Variants in CEP112 observed in about 807,000 individuals in gnomAD.
The protein encoded by CEP112 is centrosomal protein of 112 kDa.
Under a neutral mutation model 153.0 loss-of-function variants are expected in CEP112, and 127 were observed. The observed-to-expected ratio is 0.83, with a 90% confidence interval of 0.72 to 0.96. The LOEUF is 0.96. Among genes scored for constraint, CEP112 ranks in the 40% least tolerant of loss-of-function variants. The probability of loss-of-function intolerance (pLI) is 0.00; values close to 1 mark genes in which losing one functional copy is unlikely to be tolerated. For missense variants in CEP112, 1,089 were observed against 1,101.2 expected, an observed-to-expected ratio of 0.99 and a Z score of 0.16; for synonymous variants, 358 against 374.4, an observed-to-expected ratio of 0.96 and a Z score of 0.51.
intron 23 of CEP112, among the ~76,000 whole-genome samples, chr17:65,702,024 C>T (rs992771449): frequency 2.0e-5 from 3 of 151,718 alleles, no homozygotes; most frequent in African/African-American, 4.8e-5. Context: ...TGTAGGCACC[C>T]GCCATCACAC....
chr17:65,970,954 C>T (rs2062741847), intron 17 of CEP112, among the ~76,000 whole-genome samples: 1 of 149,220 alleles, frequency 6.7e-6, no homozygotes, highest in Non-Finnish European at 1.5e-5. Context: ...TATTACATAC[C>T]TATTACATGT....
chr17:65,844,773 T>C (rs2057662403), intron 21 of CEP112, among the ~76,000 whole-genome samples: 1 of 151,678 alleles, frequency 6.6e-6, no homozygotes, highest in African/African-American at 2.4e-5. Context: ...CACAGCACTT[T>C]GGGAGGTCGA....
chr17:65,781,796 G>A (rs568882343), intron 21 of CEP112, among the ~76,000 whole-genome samples: 249 of 151,874 alleles, frequency 1.6e-3, no homozygotes, highest in African/African-American at 5.7e-3. Flanking sequence ...TATAGATAGT[G>A]GGCTAGCCAT....
chr17:66,073,828 C>T (rs1323411788), intron 8 of CEP112, among the ~76,000 whole-genome samples: 3 of 151,930 alleles, frequency 2.0e-5, no homozygotes, highest in African/African-American at 4.8e-5. Context: ...ATAAGAACAA[C>T]AACAACAAAA....
intron 23 of CEP112, among the ~76,000 whole-genome samples, chr17:65,695,575 A>G (rs1246476565): frequency 6.6e-6 from 1 of 152,238 alleles, no homozygotes; most frequent in African/African-American, 2.4e-5. Context: ...GCCTTTTAAT[A>G]ATGAATAAAT....
chr17:65,800,832 G>A (rs1190211752), intron 21 of CEP112, among the ~76,000 whole-genome samples: 1 of 152,098 alleles, frequency 6.6e-6, no homozygotes, highest in Non-Finnish European at 1.5e-5. Flanking sequence ...GTTTCACTGT[G>A]GTTTTGGTTA....
intron 20 of CEP112, among the ~76,000 whole-genome samples, chr17:65,862,197 T>C (rs937694535): frequency 6.6e-6 from 1 of 152,210 alleles, no homozygotes; most frequent in African/African-American, 2.4e-5. Flanking sequence ...TAGGTAACTA[T>C]CAACACACAA....
At chr17:66,104,002 C>G (rs2068674918) in intron 6 of CEP112, among the ~76,000 whole-genome samples, 1 of 152,178 alleles carries the variant, frequency 6.6e-6, no homozygotes, top group Admixed American at 6.5e-5. Flanking sequence ...AACTCCACCA[C>G]CACCATGGGC....
intron 17 of CEP112, among the ~76,000 whole-genome samples, chr17:65,976,074 C>T (rs917898424): frequency 3.3e-5 from 5 of 152,244 alleles, no homozygotes; most frequent in Non-Finnish European, 7.3e-5. Flanking sequence ...TTCACACACA[C>T]TAATCACCAT....
chr17:65,654,272 C>A (rs1212408424), intron 24 of CEP112, among the ~76,000 whole-genome samples: 1 of 152,116 alleles, frequency 6.6e-6, no homozygotes, highest in Non-Finnish European at 1.5e-5. Context: ...TACTTTGATT[C>A]TGAAGTATAA....
chr17:65,940,508 G>C (rs1248892109), intron 18 of CEP112, among the ~76,000 whole-genome samples: 2 of 152,108 alleles, frequency 1.3e-5, no homozygotes, highest in East Asian at 1.9e-4. Flanking sequence ...GAAGGATAAA[G>C]GGATAAAGAA....
chr17:66,005,015 G>A (rs141141157), intron 17 of CEP112, among the ~76,000 whole-genome samples: 1,529 of 152,144 alleles, frequency 0.01, 10 homozygotes, highest in Non-Finnish European at 0.015. Flanking sequence ...TAGACTATAT[G>A]GTTCTATGGG....
chr17:65,902,385 A>G (rs1310079354), intron 19 of CEP112, 51 bp from the exon 20 acceptor site: 3 of 1,487,604 alleles, frequency 2.0e-6, no homozygotes, highest in East Asian at 2.3e-5. Flanking sequence ...CCTTGTCGTC[A>G]TGACAACTCA....
intron 21 of CEP112, among the ~76,000 whole-genome samples, chr17:65,761,457 G>A (rs2052606937): frequency 6.6e-6 from 1 of 151,716 alleles, no homozygotes; most frequent in South Asian, 2.1e-4. Flanking sequence ...GATTTAATTT[G>A]CTCTTCTTTT....
chr17:66,179,931 C>A (rs905508404), intron 2 of CEP112, among the ~76,000 whole-genome samples: 25 of 152,062 alleles, frequency 1.6e-4, no homozygotes, highest in African/African-American at 6.0e-4. Flanking sequence ...GCTTTTCCAG[C>A]ATTAATTGAA....
intron 16 of CEP112, among the ~76,000 whole-genome samples, chr17:66,007,215 T>C (rs778075322): frequency 2.6e-4 from 39 of 152,208 alleles, no homozygotes; most frequent in Middle Eastern, 3.4e-3. Flanking sequence ...ATCTCAAAAG[T>C]AAGAATACAC....
intron 25 of CEP112, among the ~76,000 whole-genome samples, chr17:65,639,390 T>C (rs1034111360): frequency 6.6e-6 from 1 of 152,130 alleles, no homozygotes; most frequent in African/African-American, 2.4e-5. Context: ...AAAATATGTC[T>C]TAAACTTCAA....
intron 4 of CEP112, among the ~76,000 whole-genome samples, chr17:66,144,736 C>A (rs959699016): frequency 6.6e-6 from 1 of 152,110 alleles, no homozygotes; most frequent in African/African-American, 2.4e-5. Flanking sequence ...TTGTAGTATT[C>A]CATTATATAC....
At chr17:66,029,727 C>T (rs2065381998) in intron 13 of CEP112, 142 bp downstream of exon 13, 3 of 617,712 alleles carry the variant, frequency 4.9e-6, no homozygotes, top group South Asian at 2.2e-5. Flanking sequence ...AACAAACAAA[C>T]AAACAAACAA....
Sources: gnomAD v4.1 joint callset for allele counts (sites outside exome capture counted in the v4.1 genomes callset) on GRCh38, gnomAD v4.1.1 for gene constraint, MANE v1.5 for transcripts, NCBI Gene and HGNC (gene_info 2026-07-23, HGNC 2026-07-21) for gene names.